Variants in CCDC187 observed in about 807,000 individuals in gnomAD.
The protein encoded by CCDC187 is coiled-coil domain containing 187, also known as coiled-coil domain-containing protein 187.
In CCDC187, 32 loss-of-function variants were observed where a neutral mutation model predicts 38.0. The observed-to-expected ratio is 0.84, with a 90% CI of 0.64 to 1.13. The LOEUF is 1.13. CCDC187 is among the 50% of genes most tolerant of loss of function. The probability of loss-of-function intolerance (pLI) is 0.00; values close to 1 mark genes in which losing one functional copy is unlikely to be tolerated. For missense variants in CCDC187, 707 were observed against 786.8 expected, an observed-to-expected ratio of 0.90 and a Z score of 1.21; for synonymous variants, 333 against 347.9, an observed-to-expected ratio of 0.96 and a Z score of 0.48.
chr9:136,258,948 C>T lies in CCDC187; in HGVS notation c.4350G>A (p.Val1450=). The change falls in exon 22 of 26, where the codon GTG becomes GTA. Residue 1450 remains valine, a synonymous_variant. Transcript: ENST00000638797. This position sits in a 1 kb window ranked among gnomAD's most constrained non-coding sequence, Gnocchi z 4.3. The part of the protein sequence containing the change: ...LPTAQCRSRE[V]KEPPPGDPQT... The stretch of plus-strand genomic sequence containing the variant: ...GGTGCTTACCTGGGGGTGGCTCCTT[C>T]ACCTCCCGAGACCTGCACTGAGCTG... 3 of 985,590 alleles carry T rather than the reference C, an allele frequency of 3.0e-6. No homozygotes were observed. Among genetic ancestry groups the T allele is most frequent in the Non-Finnish European group, 2.4e-6 (2 of 830,086 alleles). The allele number at this position is 985,590 out of a possible 1,614,324, so 61.1% of individuals were successfully genotyped here.
intron 9 of CCDC187, among the ~76,000 whole-genome samples, chr9:136,282,163 G>A (rs1183887506): frequency 1.4e-4 from 22 of 152,344 alleles, no homozygotes; most frequent in Admixed American, 1.2e-3. Flanking sequence ...GCGGAACGGG[G>A]TCACGCATCA....
chr9:136,280,190 G>C (rs1182400131), intron 10 of CCDC187, among the ~76,000 whole-genome samples: 1 of 152,222 alleles, frequency 6.6e-6, no homozygotes, highest in East Asian at 1.9e-4. Flanking sequence ...TCTCCCCTTG[G>C]CACTCATGCC....
chr9:136,302,876 G>A lies in CCDC187; in HGVS notation c.561C>T (p.Ser187=), dbSNP rs1831719693. 5.0e-6 allele frequency: 2 copies of A among 398,624 alleles called. No homozygotes were observed. The highest frequency in any genetic ancestry group is 2.1e-5 in the African/African-American group (1 of 48,652). The allele number at this position is 398,624 out of a possible 1,614,324, so 24.7% of individuals were successfully genotyped here. A position where few individuals can be genotyped will look rare whatever the true frequency, so the allele number is the denominator to read the frequency against. ...PSSASRLHKA[S]TLMLRRKGQE... is the part of the protein sequence containing the mutation. ...GGCCTTTCCTCCTAAGCATCAGCGTGGAGGCTTTGTGGAGTCTGGAGGCGC... is the reference window on the plus strand; with the variant it reads ...GGCCTTTCCTCCTAAGCATCAGCGTAGAGGCTTTGTGGAGTCTGGAGGCGC... The change falls in exon 2 of 26, where the codon TCC becomes TCT. Residue 187 remains serine (S), a synonymous_variant. Coordinates refer to ENST00000638797, the MANE Select transcript of CCDC187 (RefSeq NM_001378188.1).
intron 4 of CCDC187, among the ~76,000 whole-genome samples, chr9:136,294,193 CAT>C (rs1485621469): frequency 5.3e-5 from 8 of 151,484 alleles, no homozygotes; most frequent in South Asian, 2.1e-4. Context: ...CACGCCCTCA[CAT>C]GTGCTCTCAC....
At chr9:136,279,355 G>A (rs1003605854) in intron 10 of CCDC187, among the ~76,000 whole-genome samples, 6 of 151,606 alleles carry the variant, frequency 4.0e-5, no homozygotes, top group South Asian at 2.1e-4. Flanking sequence ...AGATTCTCTC[G>A]GACAGTGCTG....
rs992229064 is a variant in CCDC187, at chr9:136,262,227, G to A, written c.4064+84C>T. ...GGCCCCTGAGCCAGGCTCGTCCACCGGCCACCCGGGGCAGAAAAGGCTTCT... is the reference window on the plus strand; with the variant it reads ...GGCCCCTGAGCCAGGCTCGTCCACCAGCCACCCGGGGCAGAAAAGGCTTCT... On this transcript the variant is annotated intron_variant, in intron 19 of 25. Coordinates refer to ENST00000638797, the MANE Select transcript of CCDC187 (RefSeq NM_001378188.1). 15 of 981,154 alleles carry A rather than the reference G, an allele frequency of 1.5e-5. No individual in the cohort carries two copies. In the Admixed American group the frequency reaches 3.7e-4, roughly 24 times the overall value. 60.8% of individuals were successfully genotyped at this position (981,154 alleles called of 1,614,324 possible). A position where few individuals can be genotyped will look rare whatever the true frequency, so the allele number is the denominator to read the frequency against.
intron 14 of CCDC187, among the ~76,000 whole-genome samples, chr9:136,273,218 A>G (rs1418189934): frequency 6.6e-6 from 1 of 152,382 alleles, no homozygotes; most frequent in East Asian, 1.9e-4. Flanking sequence ...ATTAAAAGGC[A>G]GAGATTGCCA....
Position 136,286,382 on chromosome 9 carries a change from G to A in CCDC187, c.2536C>T (p.Gln846Ter), listed in dbSNP as rs1831181580. The change falls in exon 8 of 26, where the codon CAG becomes TAG. Residue 846 changes from glutamine (Q) to a stop codon, truncating the protein, a stop_gained. Transcript: ENST00000638797. LOFTEE classifies it high-confidence loss of function. ...ACGGTGTCCAGCGCTTCGGCACCCT[G>A]CAGCTTGGCGGTGAGGCTATCGACC... ...QRVDSLTAKL[Q>*]GAEALDTVRD... 1 of 398,582 alleles carries A rather than the reference G, an allele frequency of 2.5e-6. No individual in the cohort carries two copies. Among genetic ancestry groups the A allele is most frequent in the South Asian group, 1.3e-4 (1 of 7,866 alleles). 24.7% of individuals were successfully genotyped at this position (398,582 alleles called of 1,614,324 possible).
chr9:136,292,013 C>T (rs1478884947), intron 5 of CCDC187, 148 bp downstream of exon 5: 9 of 397,402 alleles, frequency 2.3e-5, no homozygotes, highest in African/African-American at 1.6e-4. Context: ...GAATGGGTGG[C>T]AGGTTTGGAG....
At chr9:136,301,007 C>T (rs1399431117) in intron 2 of CCDC187, among the ~76,000 whole-genome samples, 2 of 152,232 alleles carry the variant, frequency 1.3e-5, no homozygotes, top group African/African-American at 2.4e-5. Flanking sequence ...AGGCATCTCA[C>T]ACAGAAACGC....
At chr9:136,281,278 C>T in intron 10 of CCDC187, 1 of 397,696 alleles carries the variant, frequency 2.5e-6, no homozygotes, top group Non-Finnish European at 4.4e-6. Flanking sequence ...GTGGGCTGGG[C>T]ACAGCGGCAC....
rs1390122201 is a variant in CCDC187, at chr9:136,256,731, C to A, written c.4477G>T (p.Gly1493Cys). Residue 1493 changes from glycine (G) to cysteine (C), a missense_variant, in exon 23 of 26, where the codon GGT becomes TGT. Gly to Cys is a radical substitution (Grantham distance 159, BLOSUM62 -3). Transcript: ENST00000638797. ...CTGGCTTCTTGTGGGCCACAAGGACCTTCTCTGCCGCAGGAGCGTCGGCTG... is the reference window on the plus strand; with the variant it reads ...CTGGCTTCTTGTGGGCCACAAGGACATTCTCTGCCGCAGGAGCGTCGGCTG... ...ERSRRSCGRE[G>C]PCGPQEASQV... The A allele has an allele frequency of 6.6e-6, 1 of 152,268 alleles. No individual in the cohort carries two copies. Among genetic ancestry groups the A allele is most frequent in the African/African-American group, 2.4e-5 (1 of 41,460 alleles). The allele number at this position is 152,268 out of a possible 1,614,324, so 9.4% of individuals were successfully genotyped here. A position where few individuals can be genotyped will look rare whatever the true frequency, so the allele number is the denominator to read the frequency against.
intron 7 of CCDC187, among the ~76,000 whole-genome samples, chr9:136,289,518 C>CAAAAAAAAAAAAAAA (rs878962393): frequency 1.5e-5 from 1 of 67,298 alleles, no homozygotes; most frequent in Non-Finnish European, 2.7e-5. Flanking sequence ...AACTCCATCT[C>CAAAAAAAAAAAAAAA]AAAAAAAAAA....
At chr9:136,255,220 A>G (rs1323105760) in intron 25 of CCDC187, 86 bp from the exon 26 acceptor site, 1 of 621,954 alleles carries the variant, frequency 1.6e-6, no homozygotes, top group Non-Finnish European at 2.0e-6. Context: ...AGGAGGTCAG[A>G]ACAGAGAAAC....
Position 136,303,126 on chromosome 9 carries a change from G to A in CCDC187, c.311C>T (p.Pro104Leu), listed in dbSNP as rs967086427. 3.5e-5 allele frequency: 14 copies of A among 398,662 alleles called. No individual in the cohort carries two copies. Among genetic ancestry groups the A allele is most frequent in the South Asian group, 2.5e-4 (2 of 7,864 alleles). 24.7% of individuals were successfully genotyped at this position (398,662 alleles called of 1,614,324 possible). ...CGAGCTGTCCCCATCCCTAGCCTCC[G>A]GGCCTGTGGACCACATGGGCAGGCT... ...ACSLPMWSTG[P>L]EARDGDSSVS... The change falls in exon 2 of 26, where the codon CCG (proline) becomes CTG (leucine). Residue 104 changes from proline (P) to leucine (L), a missense_variant. Coordinates refer to ENST00000638797, the MANE Select transcript of CCDC187 (RefSeq NM_001378188.1).
chr9:136,285,464 CGGGCAGGT>C (rs1158075604), intron 9 of CCDC187, 41 bp downstream of exon 9: 5,267 of 53,932 alleles, frequency 0.098, 82 homozygotes, highest in Admixed American at 0.14. Flanking sequence ...GGTGGGCAGG[CGGGCAGGT>C]GGGCAGGTGG....
chr9:136,262,622 T>G (rs1042836589), intron 18 of CCDC187, among the ~76,000 whole-genome samples, 160 bp from the exon 19 acceptor site: 2 of 152,148 alleles, frequency 1.3e-5, no homozygotes, highest in Admixed American at 1.3e-4. Context: ...GACCTCTCAT[T>G]TGAGCAGGGG....
chr9:136,257,018 A>G lies in CCDC187; in HGVS notation c.4367-177T>C, dbSNP rs1554760386. Among the ~76,000 whole-genome samples the G allele has an allele frequency of 6.6e-6, 1 of 152,226 alleles. No homozygotes were observed. The highest frequency in any genetic ancestry group is 2.4e-5 in the African/African-American group (1 of 41,460). On this transcript the variant is annotated intron_variant, in intron 22 of 25. Transcript: ENST00000638797. The surrounding 1 kb of genome is among the most constrained non-coding windows in gnomAD (Gnocchi z 4.5). ...TACATGGTAGTTTGCTCCTAAAATGATCCTGTCATTGGACAGTTAGTGATC... is the reference window on the plus strand; with the variant it reads ...TACATGGTAGTTTGCTCCTAAAATGGTCCTGTCATTGGACAGTTAGTGATC...
At chr9:136,288,345 GC>G (rs1187071273) in intron 7 of CCDC187, among the ~76,000 whole-genome samples, 1 of 152,168 alleles carries the variant, frequency 6.6e-6, no homozygotes, top group Admixed American at 6.5e-5. Context: ...GTCGGGTCCT[GC>G]AGAGAGGGGT....
Sources: gnomAD v4.1 joint callset for allele counts (sites outside exome capture counted in the v4.1 genomes callset) on GRCh38, gnomAD v4.1.1 for gene constraint, Gnocchi (gnomAD v3.1) non-coding constraint, MANE v1.5 for transcripts, NCBI Gene and HGNC (gene_info 2026-07-23, HGNC 2026-07-21) for gene names.